Variants in SUGCT observed in about 807,000 individuals in gnomAD.
SUGCT encodes succinyl-CoA:glutarate CoA-transferase.
SUGCT carries 41 observed loss-of-function variants against 55.0 expected under a neutral mutation model. The observed-to-expected ratio is 0.74, with a 90% CI of 0.58 to 0.97. The LOEUF (loss-of-function observed/expected upper bound fraction) is 0.97, where lower values mean the gene tolerates loss of function less well. Ranked by LOEUF, SUGCT falls within the 50% of genes least tolerant of loss-of-function variation. The pLI, the probability that SUGCT is intolerant of heterozygous loss-of-function variation, is 0.00. For missense variants in SUGCT, 568 were observed against 547.8 expected, an observed-to-expected ratio of 1.04 and a Z score of -0.37; for synonymous variants, 187 against 200.4, an observed-to-expected ratio of 0.93 and a Z score of 0.56.
chr7:40,746,323 C>A (rs1194464752), intron 12 of SUGCT, among the ~76,000 whole-genome samples: 2 of 152,122 alleles, frequency 1.3e-5, no homozygotes, highest in African/African-American at 4.8e-5. Context: ...ACTGCCACAG[C>A]CTCCATTGTT....
chr7:40,349,780 C>G (rs1797517337), intron 9 of SUGCT, among the ~76,000 whole-genome samples: 4 of 152,156 alleles, frequency 2.6e-5, no homozygotes, highest in Admixed American at 2.0e-4. Flanking sequence ...TTAAGTGACC[C>G]TTTTACTTCA....
chr7:40,459,025 A>G (rs768047903), intron 10 of SUGCT, 76 bp from the exon 11 acceptor site: 9 of 865,528 alleles, frequency 1.0e-5, no homozygotes, highest in Non-Finnish European at 1.7e-5. Flanking sequence ...GAGAGATAGG[A>G]CCTGAACACT....
At chr7:40,576,916 CCCTTATCATCCTATTGT>C (rs1313108938) in intron 12 of SUGCT, among the ~76,000 whole-genome samples, 1 of 152,122 alleles carries the variant, frequency 6.6e-6, no homozygotes, top group Non-Finnish European at 1.5e-5. Context: ...TTGGTGAGAT[CCCTTATCATCCTATTGT>C]CCTGGGGCCA....
At chr7:40,418,448 G>A (rs1477827416) in intron 9 of SUGCT, among the ~76,000 whole-genome samples, 1 of 152,172 alleles carries the variant, frequency 6.6e-6, no homozygotes, top group Non-Finnish European at 1.5e-5. Flanking sequence ...CACCCTCACT[G>A]CACATTTTTA....
chr7:40,840,645 G>A (rs1209370970), intron 13 of SUGCT, among the ~76,000 whole-genome samples: 1 of 151,648 alleles, frequency 6.6e-6, no homozygotes. Context: ...TCTACCTCAA[G>A]AAACTAGGGG....
At chr7:40,834,440 A>G (rs755151948) in intron 13 of SUGCT, among the ~76,000 whole-genome samples, 2 of 152,218 alleles carry the variant, frequency 1.3e-5, no homozygotes, top group Non-Finnish European at 2.9e-5. Context: ...AGGACACACA[A>G]CGTTTCAATT....
rs540110223 is a variant in SUGCT at position 40,742,035 on chromosome 7, G to T, written c.1090-7399G>T. ...TTGGTAGTTCTGTTTCTCAGGCTGGGTGTTTGGTGCATGGGTGTTCATTTT... is the reference window on the plus strand; with the variant it reads ...TTGGTAGTTCTGTTTCTCAGGCTGGTTGTTTGGTGCATGGGTGTTCATTTT... On this transcript the variant is annotated intron_variant, in intron 12 of 13. Coordinates refer to ENST00000335693, the MANE Select transcript of SUGCT (RefSeq NM_001193313.2). Among the ~76,000 whole-genome samples, 3 of 152,280 alleles carry T rather than the reference G, an allele frequency of 2.0e-5. No homozygotes were observed. The South Asian group carries it at 6.2e-4, about 32-fold the overall frequency.
chr7:40,461,636 A>G (rs1789809414), intron 11 of SUGCT, among the ~76,000 whole-genome samples: 1 of 152,214 alleles, frequency 6.6e-6, no homozygotes, highest in Admixed American at 6.5e-5. Flanking sequence ...GTTAGTTGTC[A>G]TTATGAATGA....
rs550548225 is a variant in SUGCT at position 40,210,470 on chromosome 7, A to G, written c.484+15410A>G. On this transcript the variant is annotated intron_variant, in intron 6 of 13. Coordinates refer to ENST00000335693, the MANE Select transcript of SUGCT (RefSeq NM_001193313.2). Reference sequence around the variant, plus strand: ...TGTGCATATATATGTGTGTGTGTGTATATATATATGTGTATATATATATAT... The same window carrying G: ...TGTGCATATATATGTGTGTGTGTGTGTATATATATGTGTATATATATATAT... 8.0e-4 allele frequency among the ~76,000 whole-genome samples: 120 copies of G among 149,980 alleles called. No individual in the cohort carries two copies. The East Asian group carries it at 8.9e-3, about 11-fold the overall frequency.
chr7:40,515,915 C>T (rs577908621), intron 12 of SUGCT, among the ~76,000 whole-genome samples: 2 of 152,320 alleles, frequency 1.3e-5, no homozygotes, highest in East Asian at 3.9e-4. Flanking sequence ...CGTGGCTGCG[C>T]CATTTTCCAA....
chr7:40,239,206 A>C (rs1789203405), intron 7 of SUGCT, among the ~76,000 whole-genome samples: 1 of 152,064 alleles, frequency 6.6e-6, no homozygotes, highest in Admixed American at 6.6e-5. Flanking sequence ...TCAGCCTCCA[A>C]CATAGCTTGG....
intron 12 of SUGCT, among the ~76,000 whole-genome samples, chr7:40,514,710 CAAA>C (rs914527174): frequency 6.5e-4 from 9 of 13,868 alleles, no homozygotes; most frequent in African/African-American, 2.1e-3. Context: ...AACTCCGTCT[CAAA>C]AAAAAAAAAA....
At chr7:40,564,077 A>C (rs1795993290) in intron 12 of SUGCT, among the ~76,000 whole-genome samples, 1 of 152,194 alleles carries the variant, frequency 6.6e-6, no homozygotes, top group African/African-American at 2.4e-5. Flanking sequence ...ATTTGTTAAA[A>C]ATATGCAACG....
intron 13 of SUGCT, among the ~76,000 whole-genome samples, chr7:40,832,738 A>G (rs1266519074): frequency 1.3e-5 from 2 of 149,406 alleles, no homozygotes; most frequent in Non-Finnish European, 3.0e-5. Context: ...GCAGTGGCCC[A>G]ATCTTGGCTC....
chr7:40,956,350 T>C, the SUGCT span, among the ~76,000 whole-genome samples: 1 of 152,200 alleles, frequency 6.6e-6, no homozygotes, highest in Non-Finnish European at 1.5e-5. Context: ...CCTGGTTTAG[T>C]CTTGGAAGGG....
intron 12 of SUGCT, among the ~76,000 whole-genome samples, chr7:40,610,820 A>G (rs1798734350): frequency 6.6e-6 from 1 of 152,122 alleles, no homozygotes; most frequent in Non-Finnish European, 1.5e-5. Flanking sequence ...GGCCAAGGGA[A>G]TTTAGTTGTG....
chr7:40,594,868 T>A (rs1273667075), intron 12 of SUGCT, among the ~76,000 whole-genome samples: 1 of 152,212 alleles, frequency 6.6e-6, no homozygotes, highest in Non-Finnish European at 1.5e-5. Context: ...CCTGCTCACC[T>A]TAACCCTTCA....
At chr7:40,492,005 A>G (rs1791711316) in intron 11 of SUGCT, among the ~76,000 whole-genome samples, 1 of 151,784 alleles carries the variant, frequency 6.6e-6, no homozygotes, top group South Asian at 2.1e-4. Flanking sequence ...ATAAATAAAT[A>G]AATAAATAAA....
At chr7:40,432,764 T>C (rs1455865396) in intron 9 of SUGCT, among the ~76,000 whole-genome samples, 4 of 152,028 alleles carry the variant, frequency 2.6e-5, no homozygotes, top group African/African-American at 9.7e-5. Context: ...TTTCAATGTA[T>C]TGCAGTGTAG....
Sources: allele counts gnomAD v4.1 joint callset (sites outside exome capture counted in the v4.1 genomes callset), GRCh38; gene constraint gnomAD v4.1.1; transcripts MANE v1.5; gene names NCBI Gene and HGNC (gene_info 2026-07-23, HGNC 2026-07-21).